CDH18: variants seen among roughly 807,000 people sequenced by gnomAD.
CDH18 encodes the protein cadherin-18.
A neutral mutation model predicts 67.9 loss-of-function variants in CDH18; 31 were observed. The ratio of observed to expected loss-of-function variants is 0.46; its 90% CI spans 0.34 to 0.62. CDH18 has a LOEUF of 0.62. CDH18 is among the 20% of genes least tolerant of loss of function. The pLI, the probability that CDH18 is intolerant of heterozygous loss-of-function variation, is 0.01. For synonymous variants in CDH18, 362 were observed against 347.2 expected (o/e 1.04, Z -0.48); for missense variants, 890 against 975.5 (o/e 0.91, Z 1.17).
chr5:19,561,981 A>T (rs960808877), intron 8 of CDH18, among the ~76,000 whole-genome samples: 1 of 152,160 alleles, frequency 6.6e-6, no homozygotes, highest in East Asian at 1.9e-4. Context: ...AAGACTTTTG[A>T]TTTTAAGCAA....
intron 5 of CDH18, among the ~76,000 whole-genome samples, chr5:19,648,847 A>G (rs2150256788): frequency 6.6e-6 from 1 of 151,792 alleles, no homozygotes; most frequent in South Asian, 2.1e-4. Context: ...TTTTTCATGC[A>G]GAGTTAGACA....
chr5:20,337,398 T>C (rs73056776), intron 1 of CDH18, among the ~76,000 whole-genome samples: 16,689 of 152,166 alleles, frequency 0.11, 1,519 homozygotes, highest in East Asian at 0.37. Context: ...TTTAGCAGCA[T>C]CCAAGTCACC....
intron 1 of CDH18, among the ~76,000 whole-genome samples, chr5:20,486,214 G>A (rs1311116090): frequency 3.3e-5 from 5 of 152,076 alleles, no homozygotes; most frequent in African/African-American, 1.2e-4. Context: ...TTGAAGTTTT[G>A]AGTCATTTCA....
intron 1 of CDH18, among the ~76,000 whole-genome samples, chr5:20,369,756 T>C (rs944141708): frequency 2.2e-4 from 33 of 152,236 alleles, no homozygotes; most frequent in African/African-American, 7.7e-4. Context: ...ATAAACCACG[T>C]GGTCATCACT....
intron 2 of CDH18, among the ~76,000 whole-genome samples, chr5:19,896,785 G>C (rs1789390891): frequency 6.6e-6 from 1 of 152,172 alleles, no homozygotes; most frequent in African/African-American, 2.4e-5. Flanking sequence ...ATCTGAGTTA[G>C]ATTGGTGGAC....
At chr5:20,310,017 C>T (rs997014997) in intron 1 of CDH18, among the ~76,000 whole-genome samples, 34 of 151,944 alleles carry the variant, frequency 2.2e-4, no homozygotes, top group African/African-American at 7.7e-4. Context: ...CTGTGTGTCC[C>T]CTGATATGGC....
At chr5:19,487,063 G>A (rs1190119308) in intron 11 of CDH18, among the ~76,000 whole-genome samples, 1 of 152,102 alleles carries the variant, frequency 6.6e-6, no homozygotes, top group Admixed American at 6.6e-5. Context: ...ATTAAGATTC[G>A]AGGAGATTTT....
At chr5:20,296,262 T>G (rs1019147906) in intron 1 of CDH18, among the ~76,000 whole-genome samples, 7 of 145,084 alleles carry the variant, frequency 4.8e-5, no homozygotes, top group Admixed American at 1.4e-4. Flanking sequence ...TTGTTTTTTG[T>G]TTTTTTTTTG....
At chr5:20,277,759 A>T (rs545370270) in intron 1 of CDH18, among the ~76,000 whole-genome samples, 1 of 152,144 alleles carries the variant, frequency 6.6e-6, no homozygotes, top group Admixed American at 6.6e-5. Context: ...ACTCAATGAA[A>T]TTCAAGATAA....
chr5:19,679,887 A>G (rs563931848), intron 5 of CDH18, among the ~76,000 whole-genome samples: 2 of 152,198 alleles, frequency 1.3e-5, no homozygotes, highest in East Asian at 1.9e-4. Flanking sequence ...TACAGATTCA[A>G]TATTATTTCT....
chr5:20,108,256 A>T (rs1040696426), intron 2 of CDH18, among the ~76,000 whole-genome samples: 4 of 150,420 alleles, frequency 2.7e-5, no homozygotes, highest in Admixed American at 6.7e-5. Context: ...ATTTTATTTT[A>T]TTTTTTTTTA....
At chr5:20,222,618 CATT>C (rs1053096885) in intron 2 of CDH18, among the ~76,000 whole-genome samples, 12 of 151,866 alleles carry the variant, frequency 7.9e-5, no homozygotes, top group South Asian at 4.2e-4. Context: ...GAGTACAAAA[CATT>C]ATATATTCTT....
At chr5:20,023,302 C>G (rs1377724627) in intron 2 of CDH18, among the ~76,000 whole-genome samples, 3 of 152,106 alleles carry the variant, frequency 2.0e-5, no homozygotes, top group Non-Finnish European at 4.4e-5. Context: ...TCAATTGTGT[C>G]TAATAGTACC....
chr5:19,952,231 A>AG (rs1487872741), intron 2 of CDH18, among the ~76,000 whole-genome samples: 2 of 152,140 alleles, frequency 1.3e-5, no homozygotes, highest in East Asian at 3.9e-4. Context: ...TTGTGGTTTT[A>AG]GTAGAGACAG....
chr5:19,560,983 G>A (rs1488748071), intron 8 of CDH18, among the ~76,000 whole-genome samples: 3 of 152,046 alleles, frequency 2.0e-5, no homozygotes, highest in Non-Finnish European at 4.4e-5. Context: ...TACAAGAATG[G>A]CCATAATCAA....
rs550236088 is a variant in CDH18 at position 19,492,802 on chromosome 5, T to C, written c.1631-9250A>G. ...AATCAATGTTAAATATTTAATAAATTGGGAGAAATAACTTTCCAGATAAAT... is the reference window on the plus strand; with the variant it reads ...AATCAATGTTAAATATTTAATAAATCGGGAGAAATAACTTTCCAGATAAAT... On this transcript the variant is annotated intron_variant, in intron 11 of 12. Coordinates refer to ENST00000382275, the MANE Select transcript of CDH18 (RefSeq NM_004934.5). 3.9e-5 allele frequency among the ~76,000 whole-genome samples: 6 copies of C among 152,272 alleles called. No homozygotes were observed. The South Asian group carries it at 6.2e-4, about 16-fold the overall frequency.
chr5:19,522,838 C>T (rs1280511317), intron 9 of CDH18, among the ~76,000 whole-genome samples: 7 of 144,478 alleles, frequency 4.8e-5, no homozygotes, highest in African/African-American at 7.8e-5. Flanking sequence ...GAGGCTGCAG[C>T]GAGCTGAGCT....
chr5:20,535,531 A>G (rs543550863), intron 1 of CDH18, among the ~76,000 whole-genome samples: 4 of 152,210 alleles, frequency 2.6e-5, no homozygotes, highest in Non-Finnish European at 4.4e-5. Context: ...AAGTAACATA[A>G]TCTATACCAG....
intron 2 of CDH18, among the ~76,000 whole-genome samples, chr5:20,053,189 GTATC>G (rs1376785683): frequency 1.3e-5 from 2 of 151,224 alleles, no homozygotes; most frequent in Non-Finnish European, 2.9e-5. Flanking sequence ...TTAAAATAAG[GTATC>G]TATCTATCTT....
Sources: allele counts gnomAD v4.1 joint callset (sites outside exome capture counted in the v4.1 genomes callset), GRCh38; gene constraint gnomAD v4.1.1; transcripts MANE v1.5; gene names NCBI Gene and HGNC (gene_info 2026-07-23, HGNC 2026-07-21).